APLP2: variants seen among roughly 807,000 people sequenced by gnomAD.
The protein encoded by APLP2 is amyloid beta precursor like protein 2, also known as CDEI box-binding protein.
A neutral mutation model predicts 89.9 loss-of-function variants in APLP2; 53 were observed. The observed-to-expected ratio is 0.59, with a 90% confidence interval of 0.47 to 0.74. APLP2 has a LOEUF of 0.74. Among genes scored for constraint, APLP2 ranks in the 30% least tolerant of loss-of-function variants. The pLI is 0.00. For synonymous variants in APLP2, 372 were observed against 348.6 expected (o/e 1.07, Z -0.75); for missense variants, 973 against 975.9 (o/e 1.00, Z 0.04).
intron 1 of APLP2, among the ~76,000 whole-genome samples, chr11:130,080,765 CG>C (rs201181402): frequency 0.05 from 7,381 of 147,202 alleles, 501 homozygotes; most frequent in East Asian, 0.25. Context: ...GGCGTGATCT[CG>C]GCTCACTGCA....
chr11:130,133,578 G>C (rs1353137205), intron 11 of APLP2, 51 bp from the exon 12 acceptor site: 1 of 1,370,042 alleles, frequency 7.3e-7, no homozygotes, highest in Non-Finnish European at 1.0e-6. Flanking sequence ...GTTCCCTCCT[G>C]GCCTAGTTGT....
intron 11 of APLP2, among the ~76,000 whole-genome samples, chr11:130,131,243 T>C (rs7107100): frequency 0.049 from 7,478 of 152,206 alleles, 605 homozygotes; most frequent in African/African-American, 0.17. Context: ...GGATTACAGG[T>C]GCCCACCACA....
At chr11:130,119,269 C>T (rs1253539006) in intron 3 of APLP2, among the ~76,000 whole-genome samples, 2 of 152,150 alleles carry the variant, frequency 1.3e-5, no homozygotes, top group Non-Finnish European at 2.9e-5. Context: ...AAGCACCCTT[C>T]TCGCCCTCTC....
rs753551329 is a variant in APLP2 at position 130,110,610 on chromosome 11, A to C, written c.352A>C (p.Arg118=). Residue 118 remains arginine (R), a synonymous_variant, in exon 3 of 17, where the codon AGG becomes CGG. Coordinates refer to ENST00000338167, the MANE Select transcript of APLP2 (RefSeq NM_001142276.2). ...QRVSIDNWCR[R]DKKQCKSRFV... is the part of the protein sequence containing the mutation. ...GGTTAGTATTGACAACTGGTGCCGGAGGGACAAAAAGCAATGCAAGAGTCG... is the reference window on the plus strand; with the variant it reads ...GGTTAGTATTGACAACTGGTGCCGGCGGGACAAAAAGCAATGCAAGAGTCG... 3 of 1,614,008 alleles carry C rather than the reference A, an allele frequency of 1.9e-6. No individual in the cohort carries two copies. The highest frequency in any genetic ancestry group is 2.5e-6 in the Non-Finnish European group (3 of 1,179,990).
At position 130,120,592 on chromosome 11, in the gene APLP2, C is replaced by T. The variant is rs114636460; in HGVS notation, c.404-114C>T. 297 of 741,308 alleles carry T rather than the reference C, an allele frequency of 4.0e-4. 2 individuals are homozygous for T. In the African/African-American group the frequency reaches 4.6e-3, roughly 11 times the overall value. 45.9% of individuals were successfully genotyped at this position (741,308 alleles called of 1,614,324 possible). A position where few individuals can be genotyped will look rare whatever the true frequency, so the allele number is the denominator to read the frequency against. On this transcript the variant is annotated intron_variant, in intron 3 of 16. Coordinates refer to ENST00000338167, the MANE Select transcript of APLP2 (RefSeq NM_001142276.2). ...TGAAGGTACGAGATGTGCATCTGCT[C>T]GTATACATGAGACTGCTCCTGGCTG...
chr11:130,131,018 C>A (rs1265670612), intron 11 of APLP2, among the ~76,000 whole-genome samples: 1 of 152,218 alleles, frequency 6.6e-6, no homozygotes, highest in Non-Finnish European at 1.5e-5. Context: ...TTCAGTGCTG[C>A]CGGGTTGACT....
At chr11:130,140,199 G>T (rs562873409) in intron 13 of APLP2, among the ~76,000 whole-genome samples, 199 bp from the exon 14 acceptor site, 2 of 152,136 alleles carry the variant, frequency 1.3e-5, no homozygotes, top group African/African-American at 4.8e-5. Context: ...ATACCCATTG[G>T]TCTCTGCAAA....
At chr11:130,116,160 G>T (rs1281056846) in intron 3 of APLP2, among the ~76,000 whole-genome samples, 2 of 151,666 alleles carry the variant, frequency 1.3e-5, no homozygotes, top group Non-Finnish European at 2.9e-5. Context: ...TTGAATAAAA[G>T]ATAAGGTTGG....
chr11:130,119,966 A>G (rs1949633091), intron 3 of APLP2, among the ~76,000 whole-genome samples: 1 of 152,234 alleles, frequency 6.6e-6, no homozygotes, highest in South Asian at 2.1e-4. Flanking sequence ...CTTTAGAAAC[A>G]AAAACTTTCA....
chr11:130,126,848 CT>C lies in APLP2; in HGVS notation c.1221+20del. ...TGGACAGGGTAAACCTTGACAATTT[CT>C]TCATCTTCATGGTACTTGGCTTTGG... On this transcript the variant is annotated intron_variant, in intron 8 of 16. Coordinates refer to ENST00000338167, the MANE Select transcript of APLP2 (RefSeq NM_001142276.2). 6.2e-7 allele frequency: 1 copy of C among 1,613,796 alleles called. No homozygotes were observed.
chr11:130,132,663 T>C (rs1951067167), intron 11 of APLP2, among the ~76,000 whole-genome samples: 1 of 151,824 alleles, frequency 6.6e-6, no homozygotes, highest in African/African-American at 2.4e-5. Context: ...GAAAAGGCAG[T>C]GAGCTACGGT....
chr11:130,091,280 AC>A (rs1945084877), intron 1 of APLP2, among the ~76,000 whole-genome samples: 4 of 98,776 alleles, frequency 4.0e-5, no homozygotes, highest in Admixed American at 1.0e-4. Context: ...TGACCCCCCC[AC>A]CTCCCTCCCG....
At chr11:130,075,807 A>T (rs1942028807) in intron 1 of APLP2, among the ~76,000 whole-genome samples, 1 of 152,148 alleles carries the variant, frequency 6.6e-6, no homozygotes, top group Non-Finnish European at 1.5e-5. Context: ...AGTGTGGTTC[A>T]TATTTCCCTT....
chr11:130,128,487 G>A (rs1950607250), intron 9 of APLP2, among the ~76,000 whole-genome samples: 1 of 152,276 alleles, frequency 6.6e-6, no homozygotes, highest in African/African-American at 2.4e-5. Context: ...TCCTACAGAA[G>A]TCAGTGCATC....
At chr11:130,127,234 C>T (rs1950485123) in intron 8 of APLP2, among the ~76,000 whole-genome samples, 1 of 152,146 alleles carries the variant, frequency 6.6e-6, no homozygotes, top group Non-Finnish European at 1.5e-5. Flanking sequence ...TACATGCTAG[C>T]TAGATACTGC....
chr11:130,140,047 T>C (rs1395021626), intron 13 of APLP2, among the ~76,000 whole-genome samples: 1 of 152,132 alleles, frequency 6.6e-6, no homozygotes, highest in Non-Finnish European at 1.5e-5. Flanking sequence ...GCTCAGTAAT[T>C]TCTCCTACGA....
At position 130,123,407 on chromosome 11, in the gene APLP2, A is replaced by G. The variant is rs1364639778; in HGVS notation, c.923-205A>G. ...AGGGTGCCAAAAAAATATTTATCCCAGTTCCTAAATGTCTCTACTCTGTGG... is the reference window on the plus strand; with the variant it reads ...AGGGTGCCAAAAAAATATTTATCCCGGTTCCTAAATGTCTCTACTCTGTGG... On this transcript the variant is annotated intron_variant, in intron 6 of 16. Coordinates refer to ENST00000338167, the MANE Select transcript of APLP2 (RefSeq NM_001142276.2). The surrounding 1 kb of genome is among the most constrained non-coding windows in gnomAD (Gnocchi z 4.0). 2.0e-5 allele frequency among the ~76,000 whole-genome samples: 3 copies of G among 152,228 alleles called. No homozygotes were observed. The highest frequency in any genetic ancestry group is 7.2e-5 in the African/African-American group (3 of 41,470).
chr11:130,123,873 C>T lies in APLP2; in HGVS notation c.1090+94C>T. On this transcript the variant is annotated intron_variant, in intron 7 of 16. Transcript: ENST00000338167. This position sits in a 1 kb window ranked among gnomAD's most constrained non-coding sequence, Gnocchi z 4.0. The stretch of plus-strand genomic sequence containing the variant: ...TTCGTGGCTGCATCTGTGTGGTGTC[C>T]CTGCCCACTCGGGTGTTTGCTGTCG... The T allele has an allele frequency of 7.2e-7, 1 of 1,389,588 alleles. No homozygotes were observed. Among genetic ancestry groups the T allele is most frequent in the Non-Finnish European group, 1.0e-6 (1 of 1,003,770 alleles). 86.1% of individuals were successfully genotyped at this position (1,389,588 alleles called of 1,614,324 possible).
At chr11:130,134,548 C>A (rs1236219439) in intron 12 of APLP2, among the ~76,000 whole-genome samples, 1 of 152,108 alleles carries the variant, frequency 6.6e-6, no homozygotes. Flanking sequence ...TAATGGGAAG[C>A]CGTTAGAGGA....
Sources: gnomAD v4.1 joint callset for allele counts (sites outside exome capture counted in the v4.1 genomes callset) on GRCh38, gnomAD v4.1.1 for gene constraint, Gnocchi (gnomAD v3.1) non-coding constraint, MANE v1.5 for transcripts, NCBI Gene and HGNC (gene_info 2026-07-23, HGNC 2026-07-21) for gene names.